The following DPYD variants were observed in gnomAD, a reference collection of about 807,000 sequenced individuals.
DPYD encodes dihydropyrimidine dehydrogenase.
A neutral mutation model predicts 116.2 loss-of-function variants in DPYD; 109 were observed. That is an observed-to-expected ratio of 0.94 (90% CI 0.80 to 1.10). DPYD has a LOEUF of 1.10. Ranked by LOEUF, DPYD falls within the 50% of genes least tolerant of loss-of-function variation. DPYD has a pLI of 0.00. For synonymous variants in DPYD, 440 were observed against 432.0 expected (o/e 1.02, Z -0.23); for missense variants, 1,302 against 1,254.5 (o/e 1.04, Z -0.57).
intron 13 of DPYD, among the ~76,000 whole-genome samples, chr1:97,469,328 T>C (rs370790705): frequency 1.0e-4 from 15 of 143,210 alleles, no homozygotes; most frequent in Non-Finnish European, 2.2e-4. Flanking sequence ...AATGAGTGAT[T>C]TATATACACT....
intron 18 of DPYD, chr1:97,295,815 T>C: frequency 1.1e-6 from 1 of 942,330 alleles, no homozygotes; most frequent in Non-Finnish European, 1.3e-6. Flanking sequence ...ATTGCTTAGT[T>C]GTCATAAAGT....
Position 97,699,558 on chromosome 1 carries a change from A to C in DPYD, c.484-11T>G, listed in dbSNP as rs375466035. The C allele has an allele frequency of 1.2e-6, 2 of 1,612,606 alleles. No homozygotes were observed. The highest frequency in any genetic ancestry group is 1.7e-6 in the Non-Finnish European group (2 of 1,178,978). ...CATTGCTTTGAATACCTACGGGGAAATCAATTGTCATGGTTAAAATTTTGA... is the reference window on the plus strand; with the variant it reads ...CATTGCTTTGAATACCTACGGGGAACTCAATTGTCATGGTTAAAATTTTGA... On this transcript the variant is annotated splice_polypyrimidine_tract_variant and intron_variant, in intron 5 of 22. Coordinates refer to ENST00000370192, the MANE Select transcript of DPYD (RefSeq NM_000110.4).
At chr1:97,343,588 TAA>T (rs1669692872) in intron 16 of DPYD, among the ~76,000 whole-genome samples, 1 of 152,052 alleles carries the variant, frequency 6.6e-6, no homozygotes. Context: ...CTCATAACTG[TAA>T]AAAGTGGTAT....
At chr1:97,546,162 C>T (rs1650840532) in intron 12 of DPYD, 1 of 1,434,670 alleles carries the variant, frequency 7.0e-7, no homozygotes, top group Non-Finnish European at 9.8e-7. Flanking sequence ...TGCAGAGGAA[C>T]AGCCAGCAGA....
At chr1:97,858,478 G>T (rs1044528880) in intron 2 of DPYD, among the ~76,000 whole-genome samples, 1 of 152,058 alleles carries the variant, frequency 6.6e-6, no homozygotes, top group African/African-American at 2.4e-5. Flanking sequence ...TGAATTTCAT[G>T]AATAAATTGC....
chr1:97,496,204 T>A (rs1570837464), intron 13 of DPYD, among the ~76,000 whole-genome samples: 1 of 152,062 alleles, frequency 6.6e-6, no homozygotes, highest in Non-Finnish European at 1.5e-5. Flanking sequence ...CTTTTATACA[T>A]GTCAAATACG....
intron 4 of DPYD, among the ~76,000 whole-genome samples, chr1:97,724,987 A>AGAGAGAGAGAGAGAGAGAGAG (rs1275777925): frequency 1.9e-5 from 1 of 52,878 alleles, no homozygotes; most frequent in African/African-American, 6.8e-5. Context: ...GAGAGAGAGA[A>AGAGAGAGAGAGAGAGAGAGAG]AGTTATCCAG....
chr1:97,284,819 A>T (rs1379912262), intron 18 of DPYD, among the ~76,000 whole-genome samples: 1 of 152,062 alleles, frequency 6.6e-6, no homozygotes, highest in East Asian at 1.9e-4. Context: ...ATTTTCCATG[A>T]TCTCAATTCT....
chr1:97,408,498 T>C (rs1391461042), intron 14 of DPYD, among the ~76,000 whole-genome samples: 1 of 152,180 alleles, frequency 6.6e-6, no homozygotes, highest in East Asian at 1.9e-4. Flanking sequence ...AATGCACTTC[T>C]GGTTGTGCAA....
At chr1:97,214,437 T>A (rs987643254) in intron 19 of DPYD, among the ~76,000 whole-genome samples, 1 of 152,174 alleles carries the variant, frequency 6.6e-6, no homozygotes, top group African/African-American at 2.4e-5. Context: ...ATAAAAGATA[T>A]ATGAAGGCAC....
intron 12 of DPYD, chr1:97,546,045 G>C: frequency 7.2e-7 from 1 of 1,386,912 alleles, no homozygotes; most frequent in Non-Finnish European, 1.0e-6. Flanking sequence ...GGTGTTAGAT[G>C]ATGAAGACAG....
chr1:97,635,473 T>C (rs991831266), intron 8 of DPYD, among the ~76,000 whole-genome samples: 4 of 152,200 alleles, frequency 2.6e-5, no homozygotes, highest in Non-Finnish European at 4.4e-5. Context: ...GTGTTAACGA[T>C]GTAATTGGCA....
chr1:97,272,093 A>G (rs769807806), intron 18 of DPYD, among the ~76,000 whole-genome samples: 1 of 152,178 alleles, frequency 6.6e-6, no homozygotes, highest in Non-Finnish European at 1.5e-5. Flanking sequence ...AAAGGTCTCC[A>G]TTCAATTTGA....
intron 2 of DPYD, among the ~76,000 whole-genome samples, chr1:97,848,288 G>A (rs1322715495): frequency 1.3e-5 from 2 of 152,080 alleles, no homozygotes; most frequent in African/African-American, 4.8e-5. Flanking sequence ...TAGTAGAGAC[G>A]GGGTTTCACC....
At chr1:97,599,128 A>G (rs1655082536) in intron 8 of DPYD, among the ~76,000 whole-genome samples, 2 of 152,220 alleles carry the variant, frequency 1.3e-5, no homozygotes, top group African/African-American at 4.8e-5. Flanking sequence ...TTCTCTTGTC[A>G]GCATTTTTGT....
chr1:97,305,301 C>T lies in DPYD; in HGVS notation c.2257G>A (p.Ala753Thr), dbSNP rs1167692592. The T allele has an allele frequency of 2.5e-6, 4 of 1,612,478 alleles. No homozygotes were observed. The African/African-American group carries it at 5.3e-5, about 22-fold the overall frequency. Residue 753 changes from alanine to threonine, a missense_variant, in exon 18 of 23, where the codon GCA becomes ACA. Coordinates refer to ENST00000370192, the MANE Select transcript of DPYD (RefSeq NM_000110.4). Reference sequence around the variant, plus strand: ...GTAGTTCGCTTTGCAATCCCCACTGCTGGCCAAGGTGTGCCATCAGATTTT... The same window carrying T: ...GTAGTTCGCTTTGCAATCCCCACTGTTGGCCAAGGTGTGCCATCAGATTTT... Reference protein sequence around the residue: ...GLKSDGTPWPAVGIAKRTTYG... With the variant: ...GLKSDGTPWPTVGIAKRTTYG...
intron 8 of DPYD, among the ~76,000 whole-genome samples, chr1:97,673,501 A>G (rs1241387813): frequency 2.0e-5 from 3 of 152,098 alleles, no homozygotes; most frequent in Non-Finnish European, 4.4e-5. Context: ...AAAATCAATA[A>G]CTAAAAATAC....
intron 20 of DPYD, among the ~76,000 whole-genome samples, chr1:97,163,193 C>T (rs1474727618): frequency 1.3e-5 from 2 of 152,034 alleles, no homozygotes; most frequent in Non-Finnish European, 2.9e-5. Flanking sequence ...AGTAAACAGG[C>T]GACCTACAAA....
intron 16 of DPYD, among the ~76,000 whole-genome samples, chr1:97,349,087 T>G (rs1369185466): frequency 1.3e-5 from 2 of 152,166 alleles, no homozygotes; most frequent in African/African-American, 4.8e-5. Flanking sequence ...TTTCTGGCTG[T>G]AGAATTTCAG....
Sources: allele counts gnomAD v4.1 joint callset (sites outside exome capture counted in the v4.1 genomes callset), GRCh38; gene constraint gnomAD v4.1.1; transcripts MANE v1.5; gene names NCBI Gene and HGNC (gene_info 2026-07-23, HGNC 2026-07-21).